The following SYT7 variants were observed in gnomAD, a reference collection of about 807,000 sequenced individuals.
SYT7 encodes the protein synaptotagmin-7.
In SYT7, 29 loss-of-function variants were observed where a neutral mutation model predicts 75.1. The observed-to-expected ratio is 0.39, with a 90% CI of 0.29 to 0.53. The LOEUF is 0.53. Among genes scored for constraint, SYT7 ranks in the 20% least tolerant of loss-of-function variants. The pLI is 0.77. For synonymous variants in SYT7, 376 were observed against 401.7 expected, an observed-to-expected ratio of 0.94 and a Z score of 0.76; for missense variants, 693 against 953.2, an observed-to-expected ratio of 0.73 and a Z score of 3.59.
chr11:61,518,112 G>T lies in SYT7; in HGVS notation c.*515C>A. On this transcript the variant is annotated 3_prime_UTR_variant, in exon 13 of 13. Transcript: ENST00000539008. ...GGCCACAGCTCCAGGACCCAGGAGC[G>T]GGCTATATACTATCCTCGACATTCA... 6.3e-6 allele frequency: 1 copy of T among 157,608 alleles called. No homozygotes were observed. The allele number at this position is 157,608 out of a possible 1,614,324, so 9.8% of individuals were successfully genotyped here. A position where few individuals can be genotyped will look rare whatever the true frequency, so the allele number is the denominator to read the frequency against.
rs1041008865 is a variant in SYT7, at chr11:61,547,406, C to T, written c.216-98G>A. 8.2e-5 allele frequency: 115 copies of T among 1,409,150 alleles called. No homozygotes were observed. In the African/African-American group the frequency reaches 8.9e-4, roughly 11 times the overall value. The allele number at this position is 1,409,150 out of a possible 1,614,324, so 87.3% of individuals were successfully genotyped here. A position where few individuals can be genotyped will look rare whatever the true frequency, so the allele number is the denominator to read the frequency against. On this transcript the variant is annotated intron_variant, in intron 3 of 12. Transcript: ENST00000539008. ...GCAGAAGGGACCAGGACCCCGGGGC[C>T]GGGCACACAGTGGGCGGGGCTTCGT...
Position 61,580,635 on chromosome 11 carries a change from G to C in SYT7, c.31+155C>G, listed in dbSNP as rs568429145. Among the ~76,000 whole-genome samples, 1 of 151,972 alleles carries C rather than the reference G, an allele frequency of 6.6e-6. No homozygotes were observed. Among genetic ancestry groups the C allele is most frequent in the Non-Finnish European group, 1.5e-5 (1 of 67,910 alleles). On this transcript the variant is annotated intron_variant, in intron 1 of 12. Coordinates refer to ENST00000539008, the MANE Select transcript of SYT7 (RefSeq NM_001365809.2). The surrounding 1 kb of genome is among the most constrained non-coding windows in gnomAD (Gnocchi z 6.1). ...ACCGGGGTCCGAGCCGCTGCCGCTCGATCCCGCGCCCCCGGGGCTGGGATG... is the reference window on the plus strand; with the variant it reads ...ACCGGGGTCCGAGCCGCTGCCGCTCCATCCCGCGCCCCCGGGGCTGGGATG...
At chr11:61,545,852 G>C (rs1238491557) in intron 5 of SYT7, among the ~76,000 whole-genome samples, 179 bp downstream of exon 5, 1 of 152,242 alleles carries the variant, frequency 6.6e-6, no homozygotes, top group East Asian at 1.9e-4. Flanking sequence ...CTGTATGGCT[G>C]AGTTCGTCGT....
Position 61,542,532 on chromosome 11 carries a change from G to C in SYT7, c.620C>G (p.Pro207Arg). 6.5e-7 allele frequency: 1 copy of C among 1,530,176 alleles called. No individual in the cohort carries two copies. 94.8% of individuals were successfully genotyped at this position (1,530,176 alleles called of 1,614,324 possible). A position where few individuals can be genotyped will look rare whatever the true frequency, so the allele number is the denominator to read the frequency against. ...LSTATTLESI[P>R]SSTGEPKCQR... is the part of the protein sequence containing the mutation. ...GCATTTCGGCTCTCCCGTGGAGCTG[G>C]GGATAGACTCAAGGGTAGTGGCCGT... The change falls in exon 6 of 13, where the codon CCC becomes CGC. Residue 207 changes from proline to arginine, a missense_variant. Pro to Arg is a moderately radical substitution (Grantham distance 103, BLOSUM62 -2). Transcript: ENST00000539008. This position sits in a 1 kb window ranked among gnomAD's most constrained non-coding sequence, Gnocchi z 7.8.
upstream of SYT7, among the ~76,000 whole-genome samples, chr11:61,583,904 G>T (rs1438589042): frequency 6.6e-6 from 1 of 152,318 alleles, no homozygotes; most frequent in African/African-American, 2.4e-5. Flanking sequence ...CAGTCACTTT[G>T]TTTAGGGGAC....
At position 61,528,232 on chromosome 11, in the gene SYT7, C is replaced by A. The variant is rs758478457; in HGVS notation, c.1201-47G>T. On this transcript the variant is annotated intron_variant, in intron 8 of 12. Coordinates refer to ENST00000539008, the MANE Select transcript of SYT7 (RefSeq NM_001365809.2). ...GCAGGGTTTGGGGAGGATTCTGCTT[C>A]CCCCATGTCCCCACCGCTGGCTAGC... 3 of 1,589,490 alleles carry A rather than the reference C, an allele frequency of 1.9e-6. No individual in the cohort carries two copies. In the South Asian group the frequency reaches 3.4e-5, roughly 18 times the overall value.
chr11:61,529,527 T>C (rs1227355061), intron 8 of SYT7, among the ~76,000 whole-genome samples: 1 of 152,174 alleles, frequency 6.6e-6, no homozygotes, highest in Non-Finnish European at 1.5e-5. Context: ...ATCCTGCTCT[T>C]TCCACTAAAG....
At chr11:61,538,346 GGAGAGAGAGAGA>G (rs58071370) in intron 6 of SYT7, 80 bp from the exon 7 acceptor site, 39 of 203,288 alleles carry the variant, frequency 1.9e-4, no homozygotes, top group Middle Eastern at 1.7e-3. Context: ...GGAGAGAGAG[GGAGAGAGAGAGA>G]GAGAGAGAGA....
chr11:61,562,814 G>A (rs529066100), intron 1 of SYT7, among the ~76,000 whole-genome samples: 101 of 152,160 alleles, frequency 6.6e-4, no homozygotes, highest in African/African-American at 2.1e-3. Context: ...GACCCAATCC[G>A]GTCCCTTACC....
chr11:61,532,839 T>A, intron 8 of SYT7, 150 bp downstream of exon 8: 1 of 1,216,590 alleles, frequency 8.2e-7, no homozygotes. Context: ...GTGGCCACCA[T>A]GCTGGGCCTG....
intron 12 of SYT7, among the ~76,000 whole-genome samples, 174 bp downstream of exon 12, chr11:61,522,901 T>C (rs770304165): frequency 6.6e-5 from 10 of 151,920 alleles, no homozygotes; most frequent in Non-Finnish European, 1.2e-4. Flanking sequence ...AGGGAGGGGG[T>C]CATCTCATCC....
Position 61,541,070 on chromosome 11 carries a change from G to T in SYT7, c.941+1141C>A, listed in dbSNP as rs1010172526. 3.0e-6 allele frequency: 3 copies of T among 985,374 alleles called. No homozygotes were observed. The African/African-American group carries it at 5.2e-5, about 17-fold the overall frequency. The allele number at this position is 985,374 out of a possible 1,614,324, so 61.0% of individuals were successfully genotyped here. A position where few individuals can be genotyped will look rare whatever the true frequency, so the allele number is the denominator to read the frequency against. On this transcript the variant is annotated intron_variant, in intron 6 of 12. Transcript: ENST00000539008. ...GGCATGGCAGGGCCTCTTCGGGTGGGGTGTCTCTCCCAGGGCAGTGCTCCC... is the reference window on the plus strand; with the variant it reads ...GGCATGGCAGGGCCTCTTCGGGTGGTGTGTCTCTCCCAGGGCAGTGCTCCC...
chr11:61,527,831 G>T, intron 9 of SYT7, 84 bp downstream of exon 9: 1 of 1,516,356 alleles, frequency 6.6e-7, no homozygotes. Flanking sequence ...ATGTGTCTGT[G>T]CATGTGGCCA....
At position 61,517,700 on chromosome 11, in the gene SYT7, CTGAGAAGGAAGGGAGA is replaced by C. The variant is rs2062183188; in HGVS notation, c.*911_*926del. ...AAAGCTAGTCGGGGCTCGGGACCCC[CTGAGAAGGAAGGGAGA>C]TGAGTCCTGGTGGAATGCTATGCAC... is the stretch of plus-strand genomic sequence containing the variant. On this transcript the variant is annotated 3_prime_UTR_variant, in exon 13 of 13. Transcript: ENST00000539008. 2.5e-6 allele frequency: 1 copy of C among 397,862 alleles called. No homozygotes were observed. Among genetic ancestry groups the C allele is most frequent in the Non-Finnish European group, 4.4e-6 (1 of 226,086 alleles). 24.6% of individuals were successfully genotyped at this position (397,862 alleles called of 1,614,324 possible).
intron 8 of SYT7, among the ~76,000 whole-genome samples, 187 bp from the exon 9 acceptor site, chr11:61,528,372 G>T (rs143721000): frequency 1.6e-3 from 251 of 152,274 alleles, no homozygotes; most frequent in African/African-American, 5.7e-3. Flanking sequence ...GGGGAAGGGG[G>T]AGGGCAGAGC....
chr11:61,517,175 C>T lies in SYT7; in HGVS notation c.*1452G>A. The T allele has an allele frequency of 2.5e-6, 1 of 398,350 alleles. No individual in the cohort carries two copies. The highest frequency in any genetic ancestry group is 3.6e-5 in the East Asian group (1 of 28,076). 24.7% of individuals were successfully genotyped at this position (398,350 alleles called of 1,614,324 possible). A position where few individuals can be genotyped will look rare whatever the true frequency, so the allele number is the denominator to read the frequency against. ...CCAGGATTGGAGGCTTTGTCACCAGCTGGGTCTTGTATCAATACCAGGACC... is the reference window on the plus strand; with the variant it reads ...CCAGGATTGGAGGCTTTGTCACCAGTTGGGTCTTGTATCAATACCAGGACC... On this transcript the variant is annotated 3_prime_UTR_variant, in exon 13 of 13. Transcript: ENST00000539008.
rs12808337 is a variant in SYT7, at chr11:61,514,291, C to A, written c.*4336G>T. 3.3e-5 allele frequency among the ~76,000 whole-genome samples: 5 copies of A among 152,098 alleles called. No individual in the cohort carries two copies. The highest frequency in any genetic ancestry group is 7.2e-5 in the African/African-American group (3 of 41,392). On this transcript the variant is annotated 3_prime_UTR_variant, in exon 13 of 13. Transcript: ENST00000539008. Reference sequence around the variant, plus strand: ...GCCCCTGAGGCTACTTACCTGACCCCGGGGCTTCCTCTGATCTCTGGAACA... The same window carrying A: ...GCCCCTGAGGCTACTTACCTGACCCAGGGGCTTCCTCTGATCTCTGGAACA...
At chr11:61,540,590 G>A (rs2135226922) in intron 6 of SYT7, 1 of 985,550 alleles carries the variant, frequency 1.0e-6, no homozygotes, top group South Asian at 4.7e-5. Context: ...GACAGAGGAT[G>A]CTGTTGCATG....
At position 61,517,646 on chromosome 11, in the gene SYT7, G is replaced by A. The variant is rs760544501; in HGVS notation, c.*981C>T. On this transcript the variant is annotated 3_prime_UTR_variant, in exon 13 of 13. Transcript: ENST00000539008. ...TGCGTATGAGGTGTGGGAAGCTGGCGGGGGGTCTTTTGATGAAGGAGTTAG... is the reference window on the plus strand; with the variant it reads ...TGCGTATGAGGTGTGGGAAGCTGGCAGGGGGTCTTTTGATGAAGGAGTTAG... 8 of 398,460 alleles carry A rather than the reference G, an allele frequency of 2.0e-5. No homozygotes were observed. The highest frequency in any genetic ancestry group is 1.3e-4 in the South Asian group (1 of 7,816). 24.7% of individuals were successfully genotyped at this position (398,460 alleles called of 1,614,324 possible).
Sources: gnomAD v4.1 joint callset for allele counts (sites outside exome capture counted in the v4.1 genomes callset) on GRCh38, gnomAD v4.1.1 for gene constraint, Gnocchi (gnomAD v3.1) non-coding constraint, MANE v1.5 for transcripts, NCBI Gene and HGNC (gene_info 2026-07-23, HGNC 2026-07-21) for gene names.